ANKHD1: variants seen among roughly 807,000 people sequenced by gnomAD.
ANKHD1 encodes the protein ankyrin repeat and KH domain-containing protein 1.
In ANKHD1, 31 loss-of-function variants were observed where a neutral mutation model predicts 230.5. The observed-to-expected ratio is 0.13, with a 90% CI of 0.10 to 0.18. ANKHD1 has a LOEUF of 0.18. ANKHD1 is among the 10% of genes least tolerant of loss of function. The pLI, the probability that ANKHD1 is intolerant of heterozygous loss-of-function variation, is 1.00. For missense variants in ANKHD1, 2,256 were observed against 3,071.3 expected, an observed-to-expected ratio of 0.73 and a Z score of 6.27; for synonymous variants, 1,074 against 1,117.6, an observed-to-expected ratio of 0.96 and a Z score of 0.78.
At chr5:140,512,617 A>G (rs557406753) in intron 22 of ANKHD1, among the ~76,000 whole-genome samples, 69 of 152,298 alleles carry the variant, frequency 4.5e-4, no homozygotes, top group Non-Finnish European at 8.8e-4. Flanking sequence ...CTTTCTTTTT[A>G]TAAGCTGAAT....
chr5:140,427,890 C>T (rs1772659081), intron 1 of ANKHD1, among the ~76,000 whole-genome samples: 1 of 150,766 alleles, frequency 6.6e-6, no homozygotes, highest in Non-Finnish European at 1.5e-5. Context: ...GGGGCGGCTG[C>T]CAGGTGGAGG....
At chr5:140,414,309 C>G (rs1771179126) in intron 1 of ANKHD1, among the ~76,000 whole-genome samples, 1 of 152,174 alleles carries the variant, frequency 6.6e-6, no homozygotes, top group South Asian at 2.1e-4. Flanking sequence ...ACATTCCTAA[C>G]AGCAAAGCAC....
intron 15 of ANKHD1, among the ~76,000 whole-genome samples, chr5:140,503,553 C>CTTTTT (rs70988767): frequency 0.026 from 1,322 of 51,508 alleles, 108 homozygotes; most frequent in Middle Eastern, 0.05. Context: ...AGTTTTCTTT[C>CTTTTT]TTTTTTTTTT....
chr5:140,410,083 A>G (rs1770804977), intron 1 of ANKHD1, among the ~76,000 whole-genome samples: 1 of 152,108 alleles, frequency 6.6e-6, no homozygotes. Flanking sequence ...TATAGTTCAT[A>G]AGTCAAAGTA....
intron 1 of ANKHD1, among the ~76,000 whole-genome samples, chr5:140,415,546 C>G (rs1771300872): frequency 6.8e-6 from 1 of 146,380 alleles, no homozygotes; most frequent in Non-Finnish European, 1.5e-5. Flanking sequence ...TCAGGCGATT[C>G]TCCTGCCTCA....
chr5:140,409,686 G>A (rs979824981), intron 1 of ANKHD1, among the ~76,000 whole-genome samples: 1 of 151,810 alleles, frequency 6.6e-6, no homozygotes, highest in Non-Finnish European at 1.5e-5. Flanking sequence ...CTGAGTAGCT[G>A]GGACTACAGG....
At chr5:140,432,183 A>G (rs568019727) in intron 1 of ANKHD1, among the ~76,000 whole-genome samples, 74 of 152,350 alleles carry the variant, frequency 4.9e-4, no homozygotes, top group Middle Eastern at 3.4e-3. Flanking sequence ...AATCACTACT[A>G]TCTAATGCCA....
chr5:140,472,256 G>T (rs1442002882), intron 10 of ANKHD1: 31 of 1,613,146 alleles, frequency 1.9e-5, no homozygotes, highest in Non-Finnish European at 2.6e-5. Context: ...AGGAGGACAT[G>T]AAGACTATTT....
At chr5:140,520,539 G>A (rs1462729943) in intron 24 of ANKHD1, among the ~76,000 whole-genome samples, 14 of 151,858 alleles carry the variant, frequency 9.2e-5, no homozygotes, top group African/African-American at 3.4e-4. Flanking sequence ...CAAATGTCCA[G>A]CAATGATAGA....
intron 7 of ANKHD1, among the ~76,000 whole-genome samples, chr5:140,449,663 A>G (rs1397061375): frequency 1.1e-4 from 16 of 145,222 alleles, no homozygotes; most frequent in African/African-American, 3.9e-4. Flanking sequence ...CTCGGTCTCA[A>G]AAAAAAAAAA....
chr5:140,481,483 A>AT (rs1054186062), intron 10 of ANKHD1, among the ~76,000 whole-genome samples: 1 of 151,564 alleles, frequency 6.6e-6, no homozygotes, highest in African/African-American at 2.4e-5. Context: ...CACTGTCAAG[A>AT]TTTTTTTTTA....
chr5:140,465,708 T>C (rs780268015), intron 10 of ANKHD1, among the ~76,000 whole-genome samples: 5 of 152,234 alleles, frequency 3.3e-5, no homozygotes, highest in African/African-American at 7.2e-5. Context: ...TGTAGTATGA[T>C]TGTTATTTAT....
In ANKHD1 at chr5:140,485,143, A is replaced by G; in HGVS notation, c.1893A>G (p.Thr631=). Residue 631 remains threonine, a synonymous_variant, in exon 12 of 34, where the codon ACA becomes ACG. Coordinates refer to ENST00000360839, the MANE Select transcript of ANKHD1 (RefSeq NM_017747.3). This position sits in a 1 kb window ranked among gnomAD's most constrained non-coding sequence, Gnocchi z 4.8. ...AAGGTGCCAATGTTAACAGGGCTAC[A>G]GCCAATAATGATCATACAGTAGTGT... The part of the protein sequence containing the change: ...ISKGANVNRA[T]ANNDHTVVSL... 1 of 1,612,444 alleles carries G rather than the reference A, an allele frequency of 6.2e-7. No homozygotes were observed. The highest frequency in any genetic ancestry group is 8.5e-7 in the Non-Finnish European group (1 of 1,178,582).
chr5:140,536,042 T>C (rs959726552), intron 30 of ANKHD1: 11 of 152,392 alleles, frequency 7.2e-5, no homozygotes, highest in African/African-American at 2.6e-4. Flanking sequence ...TTTTTACATT[T>C]TATGAAACTA....
intron 1 of ANKHD1, among the ~76,000 whole-genome samples, chr5:140,420,975 C>T (rs982966990): frequency 1.3e-5 from 2 of 152,190 alleles, no homozygotes; most frequent in Admixed American, 6.5e-5. Context: ...CTGTACCTTT[C>T]TATATGCTGT....
chr5:140,502,203 A>G (rs1202902076), intron 15 of ANKHD1, among the ~76,000 whole-genome samples: 6 of 152,212 alleles, frequency 3.9e-5, no homozygotes, highest in Non-Finnish European at 8.8e-5. Context: ...TTCTCTTGAT[A>G]CAACCTTTAT....
intron 1 of ANKHD1, among the ~76,000 whole-genome samples, chr5:140,420,268 G>A (rs1486138898): frequency 6.6e-6 from 1 of 151,806 alleles, no homozygotes; most frequent in Non-Finnish European, 1.5e-5. Flanking sequence ...GGGATTATAT[G>A]CATGAGCCAC....
At chr5:140,479,651 G>A (rs1396959164) in intron 10 of ANKHD1, among the ~76,000 whole-genome samples, 6 of 150,058 alleles carry the variant, frequency 4.0e-5, no homozygotes, top group Non-Finnish European at 7.4e-5. Flanking sequence ...TTATATGTAT[G>A]TATTCCTGTT....
intron 1 of ANKHD1, among the ~76,000 whole-genome samples, chr5:140,419,081 A>G (rs1012557416): frequency 1.6e-4 from 25 of 152,164 alleles, no homozygotes; most frequent in Admixed American, 1.4e-3. Flanking sequence ...CCAGCAATGT[A>G]CAAGAGTTCC....
Sources: gnomAD v4.1 joint callset for allele counts (sites outside exome capture counted in the v4.1 genomes callset) on GRCh38, gnomAD v4.1.1 for gene constraint, Gnocchi (gnomAD v3.1) non-coding constraint, MANE v1.5 for transcripts, NCBI Gene and HGNC (gene_info 2026-07-23, HGNC 2026-07-21) for gene names.